EPHB2: variants seen among roughly 807,000 people sequenced by gnomAD.
The protein encoded by EPHB2 is EPH receptor B2.
Under a neutral mutation model 96.4 loss-of-function variants are expected in EPHB2, and 18 were observed. That is an observed-to-expected ratio of 0.19 (90% CI 0.13 to 0.28). The LOEUF (loss-of-function observed/expected upper bound fraction) is 0.28, where lower values mean the gene tolerates loss of function less well. Among genes scored for constraint, EPHB2 ranks in the 10% least tolerant of loss-of-function variants. The pLI is 1.00. For missense variants in EPHB2, 989 were observed against 1,355.4 expected, an observed-to-expected ratio of 0.73 and a Z score of 4.25; for synonymous variants, 506 against 534.1, an observed-to-expected ratio of 0.95 and a Z score of 0.72.
At chr1:22,828,947 C>T (rs1645263051) in intron 3 of EPHB2, among the ~76,000 whole-genome samples, 2 of 152,210 alleles carry the variant, frequency 1.3e-5, no homozygotes, top group African/African-American at 2.4e-5. Context: ...ACAGTAAACA[C>T]ACACGCATAG....
intron 3 of EPHB2, among the ~76,000 whole-genome samples, chr1:22,837,038 A>G (rs564772439): frequency 3.9e-5 from 6 of 152,324 alleles, no homozygotes; most frequent in African/African-American, 1.4e-4. Flanking sequence ...GAGAGGCCCT[A>G]CACGGCGGGG....
rs916912881 is a variant in EPHB2 at position 22,751,863 on chromosome 1, T to A, written c.62-29558T>A. On this transcript the variant is annotated intron_variant, in intron 1 of 15. Transcript: ENST00000374630. ...CCACCAGCTTTCTCCATGAGGGTCC[T>A]GGGAAGCGGAGAATGAATTAGGGCC... Among the ~76,000 whole-genome samples, 3 of 152,228 alleles carry A rather than the reference T, an allele frequency of 2.0e-5. No homozygotes were observed. The East Asian group carries it at 5.8e-4, about 29-fold the overall frequency.
At chr1:22,907,568 T>G (rs554758084) in intron 11 of EPHB2, among the ~76,000 whole-genome samples, 53 of 152,340 alleles carry the variant, frequency 3.5e-4, no homozygotes, top group African/African-American at 1.3e-3. Flanking sequence ...GTGAAGCACC[T>G]AACATGTGCC....
intron 5 of EPHB2, among the ~76,000 whole-genome samples, chr1:22,871,319 G>T (rs1195140338): frequency 6.6e-6 from 1 of 152,152 alleles, no homozygotes; most frequent in Non-Finnish European, 1.5e-5. Context: ...GCCTGGCTGG[G>T]TATCCCCAGC....
At chr1:22,723,217 C>T (rs973241615) in intron 1 of EPHB2, among the ~76,000 whole-genome samples, 4 of 152,234 alleles carry the variant, frequency 2.6e-5, no homozygotes, top group Non-Finnish European at 4.4e-5. Context: ...CAGTGGGATG[C>T]GTCCCGCCTG....
intron 3 of EPHB2, among the ~76,000 whole-genome samples, chr1:22,841,222 T>C (rs1211560703): frequency 3.3e-5 from 5 of 152,230 alleles, no homozygotes; most frequent in Admixed American, 3.3e-4. Flanking sequence ...GCCTGAATGA[T>C]CCAAGATTAC....
intron 3 of EPHB2, among the ~76,000 whole-genome samples, chr1:22,852,522 G>A (rs370591026): frequency 5.3e-5 from 8 of 152,222 alleles, no homozygotes; most frequent in African/African-American, 1.7e-4. Flanking sequence ...CTGGGAGGGC[G>A]GGAGCTCTCA....
At chr1:22,889,488 A>G (rs913526261) in intron 6 of EPHB2, among the ~76,000 whole-genome samples, 1 of 152,202 alleles carries the variant, frequency 6.6e-6, no homozygotes, top group African/African-American at 2.4e-5. Flanking sequence ...CATTATGTCA[A>G]TAATTAGTGA....
chr1:22,803,271 C>T (rs915663726), intron 3 of EPHB2, among the ~76,000 whole-genome samples: 1 of 152,124 alleles, frequency 6.6e-6, no homozygotes, highest in Non-Finnish European at 1.5e-5. Flanking sequence ...GCTGCAGCCG[C>T]TGTGGAGTTG....
chr1:22,712,451 GC>G (rs1239134465), intron 1 of EPHB2, among the ~76,000 whole-genome samples: 1 of 152,194 alleles, frequency 6.6e-6, no homozygotes, highest in Non-Finnish European at 1.5e-5. Flanking sequence ...CCTTCTTGCA[GC>G]CTAAGAAAAA....
At chr1:22,839,725 C>T (rs943712799) in intron 3 of EPHB2, among the ~76,000 whole-genome samples, 2 of 152,272 alleles carry the variant, frequency 1.3e-5, no homozygotes, top group East Asian at 1.9e-4. Context: ...CATCTATGAA[C>T]TGACATTAGA....
intron 3 of EPHB2, among the ~76,000 whole-genome samples, chr1:22,850,499 G>A (rs58403597): frequency 0.017 from 2,518 of 152,326 alleles, 65 homozygotes; most frequent in African/African-American, 0.056. Flanking sequence ...CCAGATGTGC[G>A]GGAGGGGCCT....
intron 4 of EPHB2, among the ~76,000 whole-genome samples, chr1:22,864,047 T>C (rs1351760928): frequency 4.2e-5 from 1 of 23,644 alleles, no homozygotes; most frequent in Admixed American, 4.1e-4. Flanking sequence ...TTTTTTTTTT[T>C]TTTTTTTTTT....
Position 22,906,201 on chromosome 1 carries a change from TG to T in EPHB2, c.1888+95del. On this transcript the variant is annotated intron_variant, in intron 10 of 15. Transcript: ENST00000374630. The surrounding 1 kb of genome is among the most constrained non-coding windows in gnomAD (Gnocchi z 4.8). ...TACCCTTGGGGCAGAAGGTAGGATG[TG>T]GGACAGGCGCCTCAAAGGACCCCCC... 1.3e-6 allele frequency: 2 copies of T among 1,592,500 alleles called. No individual in the cohort carries two copies. Among genetic ancestry groups the T allele is most frequent in the Non-Finnish European group, 1.7e-6 (2 of 1,168,270 alleles).
intron 3 of EPHB2, among the ~76,000 whole-genome samples, chr1:22,833,684 A>C (rs187925250): frequency 6.6e-6 from 1 of 152,348 alleles, no homozygotes; most frequent in Admixed American, 6.5e-5. Context: ...TTAAGAAAGG[A>C]GAAAAAAGTT....
chr1:22,812,598 G>A lies in EPHB2; in HGVS notation c.811+27522G>A, dbSNP rs80061608. 8.2e-3 allele frequency among the ~76,000 whole-genome samples: 1,243 copies of A among 152,312 alleles called. 18 individuals are homozygous for A. Among genetic ancestry groups the A allele is most frequent in the African/African-American group, 0.028 (1,184 of 41,556 alleles). The stretch of plus-strand genomic sequence containing the variant: ...GGGAGGGGACTTCAGGGCAGCCAGA[G>A]GGAGAGGGACGTGGCCCCACAGCCA... On this transcript the variant is annotated intron_variant, in intron 3 of 15. Transcript: ENST00000374630.
intron 3 of EPHB2, among the ~76,000 whole-genome samples, chr1:22,787,164 TG>T (rs1319637727): frequency 6.6e-6 from 1 of 152,096 alleles, no homozygotes; most frequent in Non-Finnish European, 1.5e-5. Flanking sequence ...ACAAAGGTGG[TG>T]ATGTGTTAGA....
chr1:22,812,499 T>TG, intron 3 of EPHB2, among the ~76,000 whole-genome samples: 1 of 145,324 alleles, frequency 6.9e-6, no homozygotes, highest in East Asian at 2.0e-4. Flanking sequence ...CCCGGTTGAG[T>TG]GGGGGGACCC....
chr1:22,758,338 G>T (rs1293726240), intron 1 of EPHB2, among the ~76,000 whole-genome samples: 1 of 152,068 alleles, frequency 6.6e-6, no homozygotes, highest in Non-Finnish European at 1.5e-5. Context: ...GAAGGGTCAT[G>T]TAGAGGGACC....
Sources: gnomAD v4.1 joint callset for allele counts (sites outside exome capture counted in the v4.1 genomes callset) on GRCh38, gnomAD v4.1.1 for gene constraint, Gnocchi (gnomAD v3.1) non-coding constraint, MANE v1.5 for transcripts, NCBI Gene and HGNC (gene_info 2026-07-23, HGNC 2026-07-21) for gene names.